ACTR3C: variants seen among roughly 807,000 people sequenced by gnomAD.
ACTR3C encodes the protein actin-related protein 3C.
In ACTR3C, 18 loss-of-function variants were observed where a neutral mutation model predicts 26.3. That is an observed-to-expected ratio of 0.68 (90% CI 0.47 to 1.01). The LOEUF (loss-of-function observed/expected upper bound fraction) is 1.01. ACTR3C is among the 50% of genes least tolerant of loss of function. The pLI, the probability that ACTR3C is intolerant of heterozygous loss-of-function variation, is 0.00. For synonymous variants in ACTR3C, 55 were observed against 94.5 expected (o/e 0.58, Z 2.42); for missense variants, 184 against 250.7 (o/e 0.73, Z 1.80).
chr7:150,144,385 G>A, the ACTR3C span, among the ~76,000 whole-genome samples: 3 of 152,012 alleles, frequency 2.0e-5, no homozygotes, highest in Non-Finnish European at 4.4e-5. This position sits in a 1 kb window ranked among gnomAD's most constrained non-coding sequence, Gnocchi z 4.6. Flanking sequence ...AACGTAAAGA[G>A]GGAAGAAAGT....
chr7:150,084,296 T>C, the ACTR3C span, among the ~76,000 whole-genome samples: 4 of 152,344 alleles, frequency 2.6e-5, no homozygotes, highest in East Asian at 7.7e-4. Flanking sequence ...AAAATTGTTA[T>C]ATAATGACTT....
chr7:150,275,426 G>A (rs1206716436), intron 6 of ACTR3C, among the ~76,000 whole-genome samples: 3 of 152,188 alleles, frequency 2.0e-5, no homozygotes, highest in East Asian at 1.9e-4. Flanking sequence ...CATAAACAGC[G>A]ACAACCAGGC....
intron 7 of ACTR3C, chr7:150,248,726 T>G: frequency 3.0e-6 from 1 of 331,950 alleles, no homozygotes; most frequent in Non-Finnish European, 5.4e-6. Context: ...AAAAAACCAC[T>G]TATCATAGCA....
chr7:150,032,710 G>A, the ACTR3C span, among the ~76,000 whole-genome samples: 1 of 152,228 alleles, frequency 6.6e-6, no homozygotes, highest in Non-Finnish European at 1.5e-5. Flanking sequence ...CCAGATAAGA[G>A]TGAAGTCCCA....
the ACTR3C span, among the ~76,000 whole-genome samples, chr7:150,086,387 G>A: frequency 2.0e-5 from 3 of 152,354 alleles, no homozygotes; most frequent in Admixed American, 2.0e-4. Context: ...AATGGGGGTG[G>A]AGGTGGGGAG....
the ACTR3C span, among the ~76,000 whole-genome samples, chr7:149,937,805 G>A: frequency 6.6e-6 from 1 of 152,198 alleles, no homozygotes; most frequent in African/African-American, 2.4e-5. Flanking sequence ...TTGAAAGTCT[G>A]AATAAGGCGC....
chr7:150,082,936 T>TTTCTTTTTTTC, the ACTR3C span, among the ~76,000 whole-genome samples: 1 of 123,972 alleles, frequency 8.1e-6, no homozygotes, highest in East Asian at 2.5e-4. Context: ...TTTTTTTTCT[T>TTTCTTTTTTTC]TTTTTTTTTT....
chr7:150,136,146 C>T, the ACTR3C span, among the ~76,000 whole-genome samples: 1 of 152,150 alleles, frequency 6.6e-6, no homozygotes, highest in African/African-American at 2.4e-5. Context: ...GGGTTTGGAG[C>T]CAGGCCTCCT....
the ACTR3C span, among the ~76,000 whole-genome samples, chr7:150,037,866 G>C: frequency 8.7e-6 from 1 of 114,768 alleles, no homozygotes; most frequent in South Asian, 2.7e-4. Context: ...CCCAGCGATG[G>C]GGGTCCTAAG....
chr7:150,053,452 AAAG>A, the ACTR3C span, among the ~76,000 whole-genome samples: 2 of 152,366 alleles, frequency 1.3e-5, no homozygotes, highest in South Asian at 2.1e-4. Context: ...TGCATTCAGA[AAAG>A]AAGAGAAAGC....
chr7:150,069,523 G>T, the ACTR3C span, among the ~76,000 whole-genome samples: 1 of 152,170 alleles, frequency 6.6e-6, no homozygotes, highest in Non-Finnish European at 1.5e-5. Context: ...GGCTTTCAGT[G>T]TGAAGAAGAA....
intron 6 of ACTR3C, among the ~76,000 whole-genome samples, chr7:150,273,679 G>T (rs1210536148): frequency 6.6e-6 from 1 of 151,344 alleles, no homozygotes; most frequent in Admixed American, 6.6e-5. Flanking sequence ...TAAGATTATA[G>T]AGTTGGTCTT....
intron 5 of ACTR3C, 78 bp from the exon 6 acceptor site, chr7:150,284,923 C>A (rs1835651340): frequency 2.3e-6 from 3 of 1,302,992 alleles, no homozygotes; most frequent in African/African-American, 1.5e-5. Context: ...TTTAAAGTAA[C>A]TTTAACAAAT....
the ACTR3C span, among the ~76,000 whole-genome samples, chr7:150,082,924 TC>T: frequency 7.0e-6 from 1 of 142,860 alleles, no homozygotes; most frequent in African/African-American, 2.7e-5. Flanking sequence ...ATTCTTTCTT[TC>T]TTTTTTTTCT....
At chr7:150,045,430 A>AG in the ACTR3C span, among the ~76,000 whole-genome samples, 1 of 152,246 alleles carries the variant, frequency 6.6e-6, no homozygotes, top group Admixed American at 6.5e-5. Flanking sequence ...ACATATGTGC[A>AG]ATGCATTTTG....
At chr7:150,082,542 G>C in the ACTR3C span, among the ~76,000 whole-genome samples, 5 of 152,130 alleles carry the variant, frequency 3.3e-5, no homozygotes, top group East Asian at 9.6e-4. Context: ...TGTCTTGATG[G>C]ATATAGGAGT....
the ACTR3C span, among the ~76,000 whole-genome samples, chr7:149,957,872 G>A: frequency 6.6e-6 from 1 of 152,056 alleles, no homozygotes. Context: ...GGCCACACCT[G>A]CTTCCTCTGC....
chr7:150,098,366 A>G, the ACTR3C span, among the ~76,000 whole-genome samples: 2 of 151,730 alleles, frequency 1.3e-5, no homozygotes, highest in Non-Finnish European at 1.5e-5. Context: ...ATTATATTAT[A>G]TAGGAAGCTA....
chr7:150,256,078 C>T (rs1335205314), intron 6 of ACTR3C, among the ~76,000 whole-genome samples: 1 of 152,220 alleles, frequency 6.6e-6, no homozygotes, highest in African/African-American at 2.4e-5. Context: ...ACAGAAGCTG[C>T]ATCCATGTGG....
Sources: gnomAD v4.1 joint callset for allele counts (sites outside exome capture counted in the v4.1 genomes callset) on GRCh38, gnomAD v4.1.1 for gene constraint, Gnocchi (gnomAD v3.1) non-coding constraint, MANE v1.5 for transcripts, NCBI Gene and HGNC (gene_info 2026-07-23, HGNC 2026-07-21) for gene names.